The following PRKAR1A variants were observed in gnomAD, a reference collection of about 807,000 sequenced individuals.
The protein encoded by PRKAR1A is protein kinase cAMP-dependent type I regulatory subunit alpha.
A neutral mutation model predicts 52.0 loss-of-function variants in PRKAR1A; 3 were observed. That is an observed-to-expected ratio of 0.06 (90% CI 0.03 to 0.15). PRKAR1A has a LOEUF of 0.15. Ranked by LOEUF, PRKAR1A falls within the 10% of genes least tolerant of loss-of-function variation. The probability of loss-of-function intolerance (pLI) is 1.00; values close to 1 mark genes in which losing one functional copy is unlikely to be tolerated. For missense variants in PRKAR1A, 240 were observed against 477.4 expected, an observed-to-expected ratio of 0.50 and a Z score of 4.63; for synonymous variants, 188 against 168.4, an observed-to-expected ratio of 1.12 and a Z score of -0.90.
chr17:68,545,388 A>AT (rs937460218), intron 11 of PRKAR1A, among the ~76,000 whole-genome samples: 8 of 152,222 alleles, frequency 5.3e-5, no homozygotes, highest in African/African-American at 1.7e-4. Context: ...ATTCATGCAC[A>AT]TTTTTTGGTT....
chr17:68,524,674 T>C (rs1445939361), intron 5 of PRKAR1A, among the ~76,000 whole-genome samples: 2 of 152,350 alleles, frequency 1.3e-5, no homozygotes, highest in African/African-American at 4.8e-5. Flanking sequence ...ACTACACATA[T>C]GTAGCTTTTA....
the PRKAR1A span, chr17:68,420,135 A>G: frequency 6.3e-7 from 1 of 1,592,762 alleles, no homozygotes; most frequent in South Asian, 1.1e-5. Context: ...TCGTCTTTAC[A>G]ACACAGGGCA....
chr17:68,444,409 C>A, the PRKAR1A span: 1 of 1,298,980 alleles, frequency 7.7e-7, no homozygotes, highest in South Asian at 1.3e-5. Flanking sequence ...GCTTCACGTT[C>A]GCAATTTGGA....
At chr17:68,515,684 TAAAA>T in intron 2 of PRKAR1A, 108 bp downstream of exon 2, 4 of 1,291,448 alleles carry the variant, frequency 3.1e-6, no homozygotes, top group Non-Finnish European at 4.3e-6. Context: ...TCTGACTAAA[TAAAA>T]AGTCTAAAAC....
chr17:68,426,142 TCTC>T, the PRKAR1A span: 74 of 1,609,344 alleles, frequency 4.6e-5, no homozygotes, highest in Middle Eastern at 2.1e-4. Flanking sequence ...AGGAATAACT[TCTC>T]CTCGCAGCGC....
rs752432156 is a variant in PRKAR1A, at chr17:68,525,776, C to T, written c.572C>T (p.Ala191Val). ...TAGGTCTATGTTAACAATGAATGGGCAACCAGTGTTGGGGAAGGAGGGAGC... is the reference window on the plus strand; with the variant it reads ...TAGGTCTATGTTAACAATGAATGGGTAACCAGTGTTGGGGAAGGAGGGAGC... The part of the protein sequence containing the change: ...ETDVYVNNEW[A>V]TSVGEGGSFG... Residue 191 changes from alanine (A) to valine (V), a missense_variant, in exon 7 of 11, where the codon GCA becomes GTA. Physicochemically the swap from Ala to Val is moderately conservative, Grantham distance 64. Coordinates refer to ENST00000589228, the MANE Select transcript of PRKAR1A (RefSeq NM_002734.5). 4 of 1,613,652 alleles carry T rather than the reference C, an allele frequency of 2.5e-6. No homozygotes were observed. The African/African-American group carries it at 5.3e-5, about 22-fold the overall frequency.
the PRKAR1A span, among the ~76,000 whole-genome samples, chr17:68,419,173 G>C: frequency 6.6e-5 from 10 of 152,206 alleles, no homozygotes; most frequent in African/African-American, 2.4e-4. Context: ...TGACTCACCT[G>C]CCTTTCTACT....
At chr17:68,452,783 C>T in the PRKAR1A span, 1 of 709,302 alleles carries the variant, frequency 1.4e-6, no homozygotes, top group South Asian at 2.1e-5. Context: ...ATCTAAAAAT[C>T]TTGACTCCCT....
At chr17:68,434,303 C>T in the PRKAR1A span, among the ~76,000 whole-genome samples, 12 of 152,206 alleles carry the variant, frequency 7.9e-5, no homozygotes, top group Non-Finnish European at 1.6e-4. Flanking sequence ...TCTCATTTCT[C>T]CTGTGCCGGC....
At chr17:68,540,690 C>CT (rs2086246544) in intron 11 of PRKAR1A, 2 of 895,624 alleles carry the variant, frequency 2.2e-6, no homozygotes, top group Non-Finnish European at 3.5e-6. Context: ...AGCCTGTTAC[C>CT]TTCTGTCCTC....
the PRKAR1A span, among the ~76,000 whole-genome samples, chr17:68,497,038 G>A: frequency 2.2e-4 from 33 of 151,992 alleles, no homozygotes; most frequent in East Asian, 6.4e-3. Context: ...TGCTCAGGCT[G>A]GTCTCGAACT....
At chr17:68,472,859 C>T in the PRKAR1A span, among the ~76,000 whole-genome samples, 1 of 151,826 alleles carries the variant, frequency 6.6e-6, no homozygotes, top group Non-Finnish European at 1.5e-5. Context: ...GCACGAGAAT[C>T]ACTTCAACCC....
chr17:68,538,050 C>A (rs2086146179), downstream of PRKAR1A, among the ~76,000 whole-genome samples: 1 of 152,166 alleles, frequency 6.6e-6, no homozygotes, highest in Admixed American at 6.5e-5. Flanking sequence ...CAAAGTGATA[C>A]TTAGGATTTT....
At chr17:68,539,460 C>T in intron 11 of PRKAR1A, 2 of 1,410,588 alleles carry the variant, frequency 1.4e-6, no homozygotes, top group South Asian at 1.2e-5. Flanking sequence ...CTGAGGCTTC[C>T]TCTCTCCTCT....
At chr17:68,470,237 G>C in the PRKAR1A span, among the ~76,000 whole-genome samples, 2 of 152,022 alleles carry the variant, frequency 1.3e-5, no homozygotes, top group African/African-American at 4.8e-5. Context: ...GCGTGCCACC[G>C]CACCTGACTA....
At chr17:68,458,261 T>G in the PRKAR1A span, among the ~76,000 whole-genome samples, 1 of 152,188 alleles carries the variant, frequency 6.6e-6, no homozygotes, top group African/African-American at 2.4e-5. Flanking sequence ...ACGATTGTGC[T>G]CAATATACAG....
chr17:68,522,428 G>GT (rs2085640861), intron 2 of PRKAR1A, among the ~76,000 whole-genome samples: 1 of 152,174 alleles, frequency 6.6e-6, no homozygotes, highest in South Asian at 2.1e-4. Flanking sequence ...GTGTGTTACT[G>GT]TTGTGTGCAT....
chr17:68,532,734 A>G lies in PRKAR1A; in HGVS notation c.*2285A>G, dbSNP rs1418327024. On this transcript the variant is annotated 3_prime_UTR_variant, in exon 11 of 11. Transcript: ENST00000589228. Reference sequence around the variant, plus strand: ...TATAGATTGTCTTAATGGTAGGTCAAGTAATAAAAAGAGATGAAATAATTT... The same window carrying G: ...TATAGATTGTCTTAATGGTAGGTCAGGTAATAAAAAGAGATGAAATAATTT... 4 of 1,066,192 alleles carry G rather than the reference A, an allele frequency of 3.8e-6. No individual in the cohort carries two copies. Among genetic ancestry groups the G allele is most frequent in the South Asian group, 4.6e-5 (1 of 21,978 alleles). 66.0% of individuals were successfully genotyped at this position (1,066,192 alleles called of 1,614,324 possible). A position where few individuals can be genotyped will look rare whatever the true frequency, so the allele number is the denominator to read the frequency against.
At chr17:68,542,829 G>A (rs201900897) in intron 11 of PRKAR1A, 1 of 1,573,716 alleles carries the variant, frequency 6.4e-7, no homozygotes, top group Middle Eastern at 1.7e-4. Flanking sequence ...AGGAAGCTCT[G>A]TTCCATCTGA....
Sources: allele counts gnomAD v4.1 joint callset (sites outside exome capture counted in the v4.1 genomes callset), GRCh38; gene constraint gnomAD v4.1.1; transcripts MANE v1.5; gene names NCBI Gene and HGNC (gene_info 2026-07-23, HGNC 2026-07-21).